The following CPA6 variants were observed in gnomAD, a reference collection of about 807,000 sequenced individuals.
CPA6 encodes carboxypeptidase B.
Under a neutral mutation model 63.3 loss-of-function variants are expected in CPA6, and 58 were observed. That is an observed-to-expected ratio of 0.92 (90% CI 0.74 to 1.14). The LOEUF is 1.14. Ranked by LOEUF, CPA6 falls within the 50% of genes most tolerant of loss-of-function variation. CPA6 has a pLI of 0.00. For synonymous variants in CPA6, 185 were observed against 179.0 expected, an observed-to-expected ratio of 1.03 and a Z score of -0.27; for missense variants, 565 against 526.6, an observed-to-expected ratio of 1.07 and a Z score of -0.71.
rs532214326 is a variant in CPA6 at position 67,496,331 on chromosome 8, G to A, written c.636+10456C>T. Among the ~76,000 whole-genome samples, 16 of 151,942 alleles carry A rather than the reference G, an allele frequency of 1.1e-4. No homozygotes were observed. In the South Asian group the frequency reaches 3.3e-3, roughly 32 times the overall value. ...ATAAGCAGAATGCTAAAAATGTGGTGATCAACATAATTTGTTGAACTGATT... is the reference window on the plus strand; with the variant it reads ...ATAAGCAGAATGCTAAAAATGTGGTAATCAACATAATTTGTTGAACTGATT... On this transcript the variant is annotated intron_variant, in intron 6 of 10. Transcript: ENST00000297770.
chr8:67,529,851 A>G (rs2128968754), intron 2 of CPA6, among the ~76,000 whole-genome samples: 1 of 152,322 alleles, frequency 6.6e-6, no homozygotes, highest in South Asian at 2.1e-4. Flanking sequence ...CTAGCCATGT[A>G]TGCCAGTCTT....
intron 1 of CPA6, among the ~76,000 whole-genome samples, chr8:67,677,603 G>T (rs919112191): frequency 1.2e-4 from 19 of 152,098 alleles, no homozygotes; most frequent in Non-Finnish European, 2.1e-4. Flanking sequence ...GTGTATGTGA[G>T]ATATGTGCCA....
chr8:67,605,926 T>C (rs1166477477), intron 2 of CPA6, among the ~76,000 whole-genome samples: 2 of 151,932 alleles, frequency 1.3e-5, no homozygotes, highest in East Asian at 1.9e-4. Context: ...CCTTGGACCA[T>C]AGGGGGAACT....
intron 2 of CPA6, among the ~76,000 whole-genome samples, chr8:67,596,559 A>C (rs945795281): frequency 6.7e-6 from 1 of 149,620 alleles, no homozygotes; most frequent in African/African-American, 2.5e-5. Context: ...CTACTTTGAA[A>C]TTTTAGGTTG....
intron 2 of CPA6, among the ~76,000 whole-genome samples, chr8:67,617,400 C>T (rs1814981631): frequency 6.6e-6 from 1 of 152,126 alleles, no homozygotes; most frequent in Admixed American, 6.5e-5. Flanking sequence ...GGATAATAAG[C>T]AGCTTTTTCT....
intron 1 of CPA6, among the ~76,000 whole-genome samples, chr8:67,688,672 T>C (rs1469183878): frequency 1.3e-5 from 2 of 152,218 alleles, no homozygotes; most frequent in African/African-American, 4.8e-5. Context: ...GCCCCATTTT[T>C]CATGACATTG....
At chr8:67,478,017 G>A (rs181050509) in intron 8 of CPA6, among the ~76,000 whole-genome samples, 1 of 152,246 alleles carries the variant, frequency 6.6e-6, no homozygotes, top group Admixed American at 6.5e-5. Flanking sequence ...GGGTCCCTAG[G>A]GAGCTTCAGA....
chr8:67,583,743 A>T (rs1211757170), intron 2 of CPA6, among the ~76,000 whole-genome samples: 2 of 152,092 alleles, frequency 1.3e-5, no homozygotes, highest in African/African-American at 4.8e-5. Flanking sequence ...TGAGTTAGTT[A>T]GGAAGAGGTT....
intron 1 of CPA6, among the ~76,000 whole-genome samples, chr8:67,715,020 G>A (rs912931722): frequency 7.9e-5 from 12 of 152,148 alleles, no homozygotes; most frequent in African/African-American, 2.7e-4. Context: ...TTAAGTCACC[G>A]ATAAGAGAAC....
At chr8:67,458,148 A>G (rs1353900583) in intron 8 of CPA6, among the ~76,000 whole-genome samples, 1 of 152,220 alleles carries the variant, frequency 6.6e-6, no homozygotes, top group African/African-American at 2.4e-5. Flanking sequence ...TCTAAAACTC[A>G]TAGAAAATAA....
intron 2 of CPA6, among the ~76,000 whole-genome samples, chr8:67,542,841 C>T (rs1188536963): frequency 6.6e-6 from 1 of 152,146 alleles, no homozygotes; most frequent in Admixed American, 6.5e-5. Context: ...CTTGGAAGTC[C>T]CCTTTGCTTG....
chr8:67,716,676 G>A (rs1369579653), intron 1 of CPA6, among the ~76,000 whole-genome samples: 1 of 152,214 alleles, frequency 6.6e-6, no homozygotes, highest in Non-Finnish European at 1.5e-5. Flanking sequence ...GAGGTGTGCA[G>A]CTTCTTTTAT....
chr8:67,537,081 G>A (rs539130205), intron 2 of CPA6, among the ~76,000 whole-genome samples: 13 of 152,278 alleles, frequency 8.5e-5, no homozygotes, highest in Admixed American at 7.8e-4. Flanking sequence ...TTGATGTGCT[G>A]CTGGATTCTG....
At chr8:67,515,259 A>G (rs1021581766) in intron 3 of CPA6, among the ~76,000 whole-genome samples, 4 of 151,780 alleles carry the variant, frequency 2.6e-5, no homozygotes, top group Non-Finnish European at 5.9e-5. Flanking sequence ...CTCCTTCTCT[A>G]TCTCATCTCA....
At chr8:67,536,622 T>C (rs1459151596) in intron 2 of CPA6, among the ~76,000 whole-genome samples, 2 of 152,226 alleles carry the variant, frequency 1.3e-5, no homozygotes, top group Non-Finnish European at 2.9e-5. Context: ...TTTCTAAATA[T>C]GCAATCATGT....
rs186494343 is a variant in CPA6, at chr8:67,644,025, T to G, written c.117-19774A>C. Among the ~76,000 whole-genome samples, 618 of 152,254 alleles carry G rather than the reference T, an allele frequency of 4.1e-3. 1 individual carries two copies. The highest frequency in any genetic ancestry group is 0.021 in the Middle Eastern group (6 of 292). On this transcript the variant is annotated intron_variant, in intron 1 of 10. Coordinates refer to ENST00000297770, the MANE Select transcript of CPA6 (RefSeq NM_020361.5). ...TGAGCAATGGAGAAAAAGAGACATC[T>G]TCCACTCTTCATATCACAATGCAGA...
At chr8:67,741,326 T>C (rs989991234) in intron 1 of CPA6, among the ~76,000 whole-genome samples, 3 of 152,150 alleles carry the variant, frequency 2.0e-5, no homozygotes, top group Non-Finnish European at 4.4e-5. Context: ...GCAGCAGGGC[T>C]AGATGATCAG....
chr8:67,679,019 G>A (rs1563389762), intron 1 of CPA6, among the ~76,000 whole-genome samples: 1 of 152,126 alleles, frequency 6.6e-6, no homozygotes, highest in Admixed American at 6.5e-5. Context: ...ATTAAGGTAT[G>A]GTGTTAAAAG....
At chr8:67,547,005 AC>A (rs1021301673) in intron 2 of CPA6, among the ~76,000 whole-genome samples, 1 of 151,698 alleles carries the variant, frequency 6.6e-6, no homozygotes, top group African/African-American at 2.4e-5. Context: ...TACGTTTTTA[AC>A]AAAATCCCAG....
Sources: gnomAD v4.1 joint callset for allele counts (sites outside exome capture counted in the v4.1 genomes callset) on GRCh38, gnomAD v4.1.1 for gene constraint, MANE v1.5 for transcripts, NCBI Gene and HGNC (gene_info 2026-07-23, HGNC 2026-07-21) for gene names.